The following ZNF804B variants were observed in gnomAD, a reference collection of about 807,000 sequenced individuals.
The protein encoded by ZNF804B is zinc finger protein 804B, also known as zinc finger 804B.
In ZNF804B, 80 loss-of-function variants were observed where a neutral mutation model predicts 101.4. The ratio of observed to expected loss-of-function variants is 0.79; its 90% CI spans 0.66 to 0.95. ZNF804B has a LOEUF of 0.95. Ranked by LOEUF, ZNF804B falls within the 40% of genes least tolerant of loss-of-function variation. The probability of loss-of-function intolerance (pLI) is 0.00; values close to 1 mark genes in which losing one functional copy is unlikely to be tolerated. For synonymous variants in ZNF804B, 622 were observed against 558.8 expected (o/e 1.11, Z -1.59); for missense variants, 1,673 against 1,561.9 (o/e 1.07, Z -1.20).
At chr7:89,092,741 C>T (rs866133296) in intron 1 of ZNF804B, among the ~76,000 whole-genome samples, 5 of 152,112 alleles carry the variant, frequency 3.3e-5, no homozygotes, top group Middle Eastern at 3.2e-3. Flanking sequence ...GCAATTGTCT[C>T]CTCAGCTCCT....
chr7:89,296,554 A>G (rs1790387070), intron 2 of ZNF804B, among the ~76,000 whole-genome samples: 1 of 152,086 alleles, frequency 6.6e-6, no homozygotes, highest in Non-Finnish European at 1.5e-5. Flanking sequence ...GTTTTTCTAC[A>G]AGGCTCATTA....
intron 2 of ZNF804B, among the ~76,000 whole-genome samples, chr7:89,229,113 C>T (rs901562870): frequency 3.3e-5 from 5 of 152,220 alleles, no homozygotes; most frequent in Non-Finnish European, 7.3e-5. Flanking sequence ...CCTCTCCCTC[C>T]ACACCTCCCC....
chr7:89,143,771 G>C (rs1179553518), intron 1 of ZNF804B, among the ~76,000 whole-genome samples: 1 of 151,926 alleles, frequency 6.6e-6, no homozygotes, highest in Admixed American at 6.6e-5. Context: ...GTTCAGAAAT[G>C]CTATAACAAG....
intron 1 of ZNF804B, among the ~76,000 whole-genome samples, chr7:88,777,641 G>A (rs949913071): frequency 2.0e-5 from 3 of 151,952 alleles, no homozygotes; most frequent in South Asian, 2.1e-4. Context: ...TCAGGAATTC[G>A]AGATCAGCCT....
chr7:89,179,849 A>G (rs1435504066), intron 1 of ZNF804B, among the ~76,000 whole-genome samples: 2 of 152,182 alleles, frequency 1.3e-5, no homozygotes, highest in Non-Finnish European at 2.9e-5. Flanking sequence ...CTGCAGCCAC[A>G]TCTGCATTAG....
chr7:88,895,531 C>A (rs974145252), intron 1 of ZNF804B, among the ~76,000 whole-genome samples: 4 of 152,170 alleles, frequency 2.6e-5, no homozygotes, highest in African/African-American at 4.8e-5. Context: ...AGCGATGATA[C>A]CCCATTAGCA....
chr7:89,119,219 A>G (rs1790361688), intron 1 of ZNF804B, among the ~76,000 whole-genome samples: 1 of 152,228 alleles, frequency 6.6e-6, no homozygotes. Flanking sequence ...TGTCAGGCTT[A>G]TCAAGGGACA....
At chr7:88,956,878 C>A (rs1444871501) in intron 1 of ZNF804B, among the ~76,000 whole-genome samples, 1 of 151,452 alleles carries the variant, frequency 6.6e-6, no homozygotes, top group Non-Finnish European at 1.5e-5. Flanking sequence ...TTTCTTGTGG[C>A]ATGAAGCTTC....
At chr7:89,119,200 C>T (rs1383983843) in intron 1 of ZNF804B, among the ~76,000 whole-genome samples, 2 of 152,120 alleles carry the variant, frequency 1.3e-5, no homozygotes, top group African/African-American at 2.4e-5. Flanking sequence ...GTTTTCTGCC[C>T]TTGCTGCATG....
At chr7:88,971,144 C>T (rs1299970715) in intron 1 of ZNF804B, among the ~76,000 whole-genome samples, 1 of 151,432 alleles carries the variant, frequency 6.6e-6, no homozygotes, top group Non-Finnish European at 1.5e-5. Flanking sequence ...AAAGCCTAAC[C>T]TATTTACTCT....
At chr7:89,332,393 A>C (rs1790999458) in intron 3 of ZNF804B, among the ~76,000 whole-genome samples, 1 of 151,868 alleles carries the variant, frequency 6.6e-6, no homozygotes, top group East Asian at 1.9e-4. Flanking sequence ...GACTAGAGGA[A>C]AGTAAAATAA....
chr7:89,130,740 T>C (rs551068318), intron 1 of ZNF804B, among the ~76,000 whole-genome samples: 2 of 152,132 alleles, frequency 1.3e-5, no homozygotes, highest in African/African-American at 4.8e-5. Flanking sequence ...CTTTTCATTT[T>C]AACTAGAAAA....
At chr7:89,151,745 A>C (rs996463329) in intron 1 of ZNF804B, among the ~76,000 whole-genome samples, 24 of 152,118 alleles carry the variant, frequency 1.6e-4, no homozygotes, top group African/African-American at 5.6e-4. Context: ...ACAGCCCCAT[A>C]AGCCAAATTT....
At chr7:88,873,661 G>A (rs991283255) in intron 1 of ZNF804B, among the ~76,000 whole-genome samples, 2 of 152,146 alleles carry the variant, frequency 1.3e-5, no homozygotes, top group Non-Finnish European at 2.9e-5. Context: ...GTGTAAGGAA[G>A]GGATCCAGTT....
chr7:89,199,524 T>C (rs1025687873), intron 1 of ZNF804B, among the ~76,000 whole-genome samples: 6 of 151,940 alleles, frequency 3.9e-5, no homozygotes, highest in African/African-American at 1.4e-4. Context: ...ATTGTTTCTA[T>C]AATCAATATA....
chr7:89,007,450 A>T (rs1288238271), intron 1 of ZNF804B, among the ~76,000 whole-genome samples: 1 of 93,326 alleles, frequency 1.1e-5, no homozygotes, highest in Non-Finnish European at 1.9e-5. Flanking sequence ...ATGATTTTAT[A>T]TATATATATA....
chr7:89,035,882 C>A (rs2040527), intron 1 of ZNF804B, among the ~76,000 whole-genome samples: 109,769 of 144,750 alleles, frequency 0.76, 41,635 homozygotes, highest in Middle Eastern at 0.78. Context: ...ATTATATATT[C>A]ATATACATTA....
chr7:89,112,953 T>A (rs748611464), intron 1 of ZNF804B, among the ~76,000 whole-genome samples: 1 of 152,154 alleles, frequency 6.6e-6, no homozygotes, highest in African/African-American at 2.4e-5. Flanking sequence ...AATTGAATAA[T>A]CAGATATGGA....
chr7:88,840,632 T>G (rs929122770), intron 1 of ZNF804B, among the ~76,000 whole-genome samples: 1 of 152,164 alleles, frequency 6.6e-6, no homozygotes, highest in Non-Finnish European at 1.5e-5. Context: ...TAAACCATTT[T>G]CTATCAGATT....
Sources: allele counts gnomAD v4.1 joint callset (sites outside exome capture counted in the v4.1 genomes callset), GRCh38; gene constraint gnomAD v4.1.1; transcripts MANE v1.5; gene names NCBI Gene and HGNC (gene_info 2026-07-23, HGNC 2026-07-21).